The following PLCH1 variants were observed in gnomAD, a reference collection of about 807,000 sequenced individuals.
The protein encoded by PLCH1 is 1-phosphatidylinositol 4,5-bisphosphate phosphodiesterase eta-1.
PLCH1 carries 60 observed loss-of-function variants against 126.7 expected under a neutral mutation model. The observed-to-expected ratio is 0.47, with a 90% confidence interval of 0.38 to 0.59. PLCH1 has a LOEUF of 0.59. Ranked by LOEUF, PLCH1 falls within the 20% of genes least tolerant of loss-of-function variation. The pLI is 0.00. For synonymous variants in PLCH1, 719 were observed against 734.9 expected, an observed-to-expected ratio of 0.98 and a Z score of 0.35; for missense variants, 1,723 against 2,040.0, an observed-to-expected ratio of 0.84 and a Z score of 2.99.
chr3:155,619,298 A>G (rs1736169067), intron 2 of PLCH1, among the ~76,000 whole-genome samples: 3 of 76,594 alleles, frequency 3.9e-5, no homozygotes, highest in South Asian at 1.2e-3. Context: ...GGCAGTGTAC[A>G]GTACAGGAGT....
In PLCH1 at chr3:155,526,425, GTC is replaced by G. The variant is rs369809883; in HGVS notation, c.1363-2423_1363-2422del. Among the ~76,000 whole-genome samples, 883 of 122,868 alleles carry G rather than the reference GTC, an allele frequency of 7.2e-3. 2 individuals are homozygous for G. Among genetic ancestry groups the G allele is most frequent in the Non-Finnish European group, 0.011 (613 of 56,668 alleles). 80.6% of individuals were successfully genotyped at this position (122,868 alleles called of 152,430 possible). On this transcript the variant is annotated intron_variant, in intron 10 of 22. Transcript: ENST00000460012. ...CTCTCTCTTTCTCTCTCTCTCTTCTGTCTCTCTCTCTCTCTCTTTTTCTCTCT... is the reference window on the plus strand; with the variant it reads ...CTCTCTCTTTCTCTCTCTCTCTTCTGTCTCTCTCTCTCTCTTTTTCTCTCT...
At chr3:155,661,976 T>C (rs1359204573) in intron 2 of PLCH1, among the ~76,000 whole-genome samples, 5 of 152,242 alleles carry the variant, frequency 3.3e-5, no homozygotes, top group Admixed American at 3.3e-4. Flanking sequence ...TGGTATCTGA[T>C]AACACTCTAG....
intron 12 of PLCH1, among the ~76,000 whole-genome samples, chr3:155,506,319 A>T (rs1170806655): frequency 6.7e-6 from 1 of 149,802 alleles, no homozygotes; most frequent in African/African-American, 2.5e-5. Flanking sequence ...CCACTTCTCC[A>T]ACATTTTCTA....
At position 155,482,128 on chromosome 3, in the gene PLCH1, G is replaced by A. The variant is rs778473517; in HGVS notation, c.3898C>T (p.Pro1300Ser). 7.4e-6 allele frequency: 12 copies of A among 1,614,102 alleles called. No homozygotes were observed. The highest frequency in any genetic ancestry group is 4.5e-5 in the East Asian group (2 of 44,874). The change falls in exon 23 of 23, where the codon CCT becomes TCT. Residue 1300 changes from proline to serine, a missense_variant. Coordinates refer to ENST00000460012, the MANE Select transcript of PLCH1 (RefSeq NM_014996.4). ...GGTAACCAGCCACGAGAAGTATTAG[G>A]GGATCCAGGCAGGTTGCTTTCTAAG... ...AALESNLPGS[P>S]NTSRGWLPKS...
chr3:155,469,230 G>A (rs907364784), intron 21 of PLCH1, among the ~76,000 whole-genome samples: 3 of 152,174 alleles, frequency 2.0e-5, no homozygotes, highest in South Asian at 2.1e-4. Context: ...CACCGTGTGC[G>A]AGCCGAAGCA....
At chr3:155,538,310 A>T in intron 10 of PLCH1, among the ~76,000 whole-genome samples, 1 of 152,118 alleles carries the variant, frequency 6.6e-6, no homozygotes, top group Non-Finnish European at 1.5e-5. Flanking sequence ...GAGGACAAAC[A>T]GATAATCTTA....
At chr3:155,562,741 G>C (rs538096553) in intron 8 of PLCH1, among the ~76,000 whole-genome samples, 5 of 152,174 alleles carry the variant, frequency 3.3e-5, no homozygotes, top group Admixed American at 1.3e-4. Flanking sequence ...CTGAGTGGAT[G>C]ATGTTCTCTC....
At position 155,634,740 on chromosome 3, in the gene PLCH1, T is replaced by A. The variant is rs184493031; in HGVS notation, c.80-38362A>T. On this transcript the variant is annotated intron_variant, in intron 2 of 22. Transcript: ENST00000460012. The stretch of plus-strand genomic sequence containing the variant: ...CTACCAAAAGCCAAACCAAGCCTCA[T>A]GCCAGAAAGCTCACAGAAAGAAAGG... 2.0e-4 allele frequency among the ~76,000 whole-genome samples: 30 copies of A among 152,316 alleles called. No homozygotes were observed. In the East Asian group the frequency reaches 2.7e-3, roughly 14 times the overall value.
chr3:155,551,883 G>A (rs1248547276), intron 9 of PLCH1, among the ~76,000 whole-genome samples: 2 of 152,134 alleles, frequency 1.3e-5, no homozygotes, highest in African/African-American at 4.8e-5. Flanking sequence ...GAAGTAAATT[G>A]TCAAATCACC....
intron 10 of PLCH1, among the ~76,000 whole-genome samples, chr3:155,526,406 CT>C (rs1299720266): frequency 1.4e-3 from 208 of 144,208 alleles, no homozygotes; most frequent in African/African-American, 5.4e-3. Context: ...CTCTCTCTCT[CT>C]TTCTCTCTCT....
At chr3:155,594,631 G>A (rs1230878439) in intron 3 of PLCH1, among the ~76,000 whole-genome samples, 1 of 152,106 alleles carries the variant, frequency 6.6e-6, no homozygotes, top group East Asian at 1.9e-4. Flanking sequence ...TGTGGTTTCA[G>A]GTTAAATGTG....
At chr3:155,590,227 GTTCTC>G (rs1298238053) in intron 4 of PLCH1, among the ~76,000 whole-genome samples, 2 of 152,140 alleles carry the variant, frequency 1.3e-5, no homozygotes, top group East Asian at 3.9e-4. Context: ...TCCCAAATCT[GTTCTC>G]TTCATTAATG....
intron 18 of PLCH1, 48 bp from the exon 19 acceptor site, chr3:155,490,916 A>G (rs1326719641): frequency 9.8e-7 from 1 of 1,022,786 alleles, no homozygotes; most frequent in Non-Finnish European, 1.5e-6. Context: ...ATTTCTATAC[A>G]TATGTTAATT....
intron 2 of PLCH1, among the ~76,000 whole-genome samples, chr3:155,630,931 A>G (rs1737947059): frequency 6.6e-6 from 1 of 152,152 alleles, no homozygotes; most frequent in Admixed American, 6.5e-5. Flanking sequence ...CAGACACTAA[A>G]CTTCTTTCAT....
chr3:155,572,123 A>G (rs1022327898), intron 6 of PLCH1, among the ~76,000 whole-genome samples: 3 of 152,106 alleles, frequency 2.0e-5, no homozygotes, highest in South Asian at 2.1e-4. Context: ...TCTCCCTACA[A>G]AAGTTCTCCT....
chr3:155,518,829 C>T (rs1028194678), intron 11 of PLCH1, among the ~76,000 whole-genome samples: 3 of 152,152 alleles, frequency 2.0e-5, no homozygotes, highest in African/African-American at 7.2e-5. Flanking sequence ...CTCAGGGCCT[C>T]ACAAAGAGGC....
intron 2 of PLCH1, among the ~76,000 whole-genome samples, chr3:155,667,658 T>C (rs762384692): frequency 2.0e-5 from 3 of 152,138 alleles, no homozygotes; most frequent in Non-Finnish European, 4.4e-5. Flanking sequence ...CCCTTAATCT[T>C]AACCTGCTGT....
chr3:155,738,523 C>A (rs1749370418), intron 1 of PLCH1, among the ~76,000 whole-genome samples: 1 of 152,014 alleles, frequency 6.6e-6, no homozygotes, highest in African/African-American at 2.4e-5. Context: ...GTGGCTCACG[C>A]CTGTAATTCC....
At chr3:155,562,447 T>C (rs1028813913) in intron 8 of PLCH1, among the ~76,000 whole-genome samples, 5 of 152,220 alleles carry the variant, frequency 3.3e-5, no homozygotes, top group African/African-American at 4.8e-5. Context: ...CAGTTACTTA[T>C]AAGAGCTCTC....
Sources: gnomAD v4.1 joint callset for allele counts (sites outside exome capture counted in the v4.1 genomes callset) on GRCh38, gnomAD v4.1.1 for gene constraint, MANE v1.5 for transcripts, NCBI Gene and HGNC (gene_info 2026-07-23, HGNC 2026-07-21) for gene names.